The following NOL4L variants were observed in gnomAD, a reference collection of about 807,000 sequenced individuals.
NOL4L encodes nucleolar protein 4-like.
A neutral mutation model predicts 64.5 loss-of-function variants in NOL4L; 7 were observed. The observed-to-expected ratio is 0.11, with a 90% CI of 0.06 to 0.20. The LOEUF is 0.20. NOL4L is among the 10% of genes least tolerant of loss of function. The probability of loss-of-function intolerance (pLI) is 1.00; values close to 1 mark genes in which losing one functional copy is unlikely to be tolerated. For synonymous variants in NOL4L, 413 were observed against 401.0 expected, an observed-to-expected ratio of 1.03 and a Z score of -0.36; for missense variants, 680 against 967.1, an observed-to-expected ratio of 0.70 and a Z score of 3.94.
chr20:32,543,094 G>A (rs1376438717), intron 1 of NOL4L, among the ~76,000 whole-genome samples: 12 of 152,130 alleles, frequency 7.9e-5, no homozygotes, highest in South Asian at 2.1e-4. Context: ...AATAAAGCTC[G>A]CGGGAAGCCA....
At chr20:32,482,973 T>A (rs1468978893) in intron 4 of NOL4L, among the ~76,000 whole-genome samples, 2 of 150,012 alleles carry the variant, frequency 1.3e-5, no homozygotes, top group African/African-American at 4.9e-5. Flanking sequence ...ACCGCGGCGC[T>A]GCGCGCACAA....
In NOL4L at chr20:32,582,532, C is replaced by G. The variant is rs532971995; in HGVS notation, c.321+2038G>C. The stretch of plus-strand genomic sequence containing the variant: ...GGACGACTGCTCCAGATGCCCACTC[C>G]CTAGGGAGAAGTCGAGCCACACAGA... On this transcript the variant is annotated intron_variant, in intron 1 of 10. Coordinates refer to ENST00000621426, the MANE Select transcript of NOL4L (RefSeq NM_001256798.2). 1.2e-4 allele frequency among the ~76,000 whole-genome samples: 19 copies of G among 152,214 alleles called. No homozygotes were observed. The East Asian group carries it at 3.7e-3, about 30-fold the overall frequency.
intron 4 of NOL4L, among the ~76,000 whole-genome samples, chr20:32,500,536 T>C (rs2016880568): frequency 1.8e-5 from 2 of 111,846 alleles, no homozygotes; most frequent in Admixed American, 1.9e-4. Flanking sequence ...TTGTATTTCT[T>C]TCTTTTTTTT....
At chr20:32,448,486 C>G (rs1368597175) in intron 10 of NOL4L, among the ~76,000 whole-genome samples, 1 of 152,206 alleles carries the variant, frequency 6.6e-6, no homozygotes, top group Non-Finnish European at 1.5e-5. Flanking sequence ...ACTGCACCCC[C>G]AGGAGGGACC....
At chr20:32,483,571 G>C in intron 4 of NOL4L, 1 of 970,660 alleles carries the variant, frequency 1.0e-6, no homozygotes, top group Non-Finnish European at 1.2e-6. Context: ...CGGCGGCAGC[G>C]GCGGCGGCGC....
chr20:32,512,123 A>G (rs1259506932), intron 3 of NOL4L, among the ~76,000 whole-genome samples: 2 of 152,056 alleles, frequency 1.3e-5, no homozygotes, highest in African/African-American at 4.8e-5. Context: ...TGGGGCCCCC[A>G]CTCCCGAAGG....
intron 4 of NOL4L, among the ~76,000 whole-genome samples, chr20:32,494,286 A>G (rs2016596822): frequency 7.9e-6 from 1 of 126,284 alleles, no homozygotes; most frequent in Non-Finnish European, 1.7e-5. Context: ...AAAAAAACAC[A>G]CAACACACAC....
chr20:32,544,486 G>C (rs908753633), intron 1 of NOL4L, among the ~76,000 whole-genome samples: 12 of 152,160 alleles, frequency 7.9e-5, no homozygotes, highest in African/African-American at 2.9e-4. Context: ...CCTGAAGGCA[G>C]TGGGGTGCCA....
At chr20:32,537,053 C>T (rs1183179183) in intron 1 of NOL4L, 49 of 984,648 alleles carry the variant, frequency 5.0e-5, no homozygotes, top group Non-Finnish European at 5.8e-5. Context: ...GCGCACCTGC[C>T]CTGCCCCGCC....
chr20:32,447,790 C>A lies in NOL4L; in HGVS notation c.1849G>T (p.Gly617Trp). 1 of 1,571,200 alleles carries A rather than the reference C, an allele frequency of 6.4e-7. No homozygotes were observed. ...GGGGTGGTGGAGGTGGTAGAGGCCC[C>A]GCCTTTCATGCTGAGGTCCGTGGGC... ...NGPTDLSMKG[G>W]ASTTSTTPTP... The change falls in exon 11 of 11, where the codon GGG becomes TGG. Residue 617 changes from glycine (G) to tryptophan (W), a missense_variant. Gly to Trp is a radical substitution (Grantham distance 184). Around this residue, in one of 4 missense-constraint regions of NOL4L, gnomAD observed 175 missense variants for 227.0 expected, o/e 0.77. Coordinates refer to ENST00000621426, the MANE Select transcript of NOL4L (RefSeq NM_001256798.2).
intron 4 of NOL4L, chr20:32,509,761 C>T (rs374870563): frequency 3.5e-5 from 45 of 1,280,050 alleles, no homozygotes; most frequent in South Asian, 7.5e-5. Context: ...GCAACTTGCA[C>T]GACACTGACC....
intron 4 of NOL4L, among the ~76,000 whole-genome samples, chr20:32,490,570 C>G (rs2016427987): frequency 6.6e-6 from 1 of 152,166 alleles, no homozygotes; most frequent in South Asian, 2.1e-4. Flanking sequence ...TTTTGCATAG[C>G]TGCCTGCAAC....
intron 4 of NOL4L, among the ~76,000 whole-genome samples, chr20:32,484,313 C>T (rs1363305477): frequency 6.6e-6 from 1 of 152,036 alleles, no homozygotes; most frequent in African/African-American, 2.4e-5. Context: ...GGCCGTACCC[C>T]CGCCCCACCC....
At chr20:32,526,625 G>T (rs1161866330) in intron 2 of NOL4L, among the ~76,000 whole-genome samples, 1 of 152,148 alleles carries the variant, frequency 6.6e-6, no homozygotes, top group South Asian at 2.1e-4. Flanking sequence ...TGCCTTGGGT[G>T]GGGAAGCCCA....
At chr20:32,550,153 GT>G (rs1421478339) in intron 1 of NOL4L, among the ~76,000 whole-genome samples, 1 of 152,116 alleles carries the variant, frequency 6.6e-6, no homozygotes, top group Non-Finnish European at 1.5e-5. Context: ...TGATTGCATC[GT>G]TGTGCGAACA....
intron 1 of NOL4L, 24 bp from the exon 2 acceptor site, chr20:32,527,937 G>C: frequency 6.6e-7 from 1 of 1,514,910 alleles, no homozygotes; most frequent in Non-Finnish European, 8.9e-7. Flanking sequence ...GACAAGCTGT[G>C]TTAGTGTCAG....
intron 5 of NOL4L, among the ~76,000 whole-genome samples, chr20:32,459,246 CTTTT>C (rs371056802): frequency 1.7e-4 from 24 of 140,234 alleles, no homozygotes; most frequent in East Asian, 4.1e-4. Context: ...ACATGGTTTA[CTTTT>C]TTTTTTTTTT....
chr20:32,468,524 G>C (rs2014740045), intron 5 of NOL4L, among the ~76,000 whole-genome samples: 1 of 152,176 alleles, frequency 6.6e-6, no homozygotes, highest in African/African-American at 2.4e-5. Flanking sequence ...GCTAGGGCCT[G>C]GGGATAAAGC....
chr20:32,502,853 C>T (rs531816043), intron 4 of NOL4L, among the ~76,000 whole-genome samples: 19 of 152,020 alleles, frequency 1.2e-4, no homozygotes, highest in East Asian at 1.2e-3. Context: ...GAGGTTGCAA[C>T]GAGCCGAGAT....
Sources: allele counts gnomAD v4.1 joint callset (sites outside exome capture counted in the v4.1 genomes callset), GRCh38; gene constraint gnomAD v4.1.1; regional missense constraint gnomAD v4.1.1; transcripts MANE v1.5; gene names NCBI Gene and HGNC (gene_info 2026-07-23, HGNC 2026-07-21).